Variants in CNTNAP5 observed in about 807,000 individuals in gnomAD.
CNTNAP5 encodes the protein contactin-associated protein-like 5.
A neutral mutation model predicts 150.2 loss-of-function variants in CNTNAP5; 72 were observed. The observed-to-expected ratio is 0.48, with a 90% CI of 0.40 to 0.58. CNTNAP5 has a LOEUF of 0.58. Ranked by LOEUF, CNTNAP5 falls within the 20% of genes least tolerant of loss-of-function variation. The pLI is 0.00. For missense variants in CNTNAP5, 1,636 were observed against 1,626.2 expected, an observed-to-expected ratio of 1.01 and a Z score of -0.10; for synonymous variants, 672 against 619.8, an observed-to-expected ratio of 1.08 and a Z score of -1.25.
At chr2:124,508,301 A>G (rs1694461598) in intron 8 of CNTNAP5, among the ~76,000 whole-genome samples, 1 of 152,232 alleles carries the variant, frequency 6.6e-6, no homozygotes, top group Non-Finnish European at 1.5e-5. Context: ...ATTTCCAGTA[A>G]TGGAGGTGAG....
intron 8 of CNTNAP5, among the ~76,000 whole-genome samples, chr2:124,507,809 A>C (rs1247612447): frequency 6.6e-6 from 1 of 152,162 alleles, no homozygotes; most frequent in Admixed American, 6.5e-5. Flanking sequence ...AAAGAAGTAC[A>C]TTTTGAGGTG....
chr2:124,028,067 T>C (rs71428134), intron 1 of CNTNAP5, among the ~76,000 whole-genome samples: 9,505 of 152,270 alleles, frequency 0.062, 407 homozygotes, highest in South Asian at 0.11. Context: ...TATTTTCAAA[T>C]AGTCACTTTA....
chr2:124,366,628 A>C (rs1037839395), intron 3 of CNTNAP5, among the ~76,000 whole-genome samples: 1 of 152,078 alleles, frequency 6.6e-6, no homozygotes, highest in Non-Finnish European at 1.5e-5. Flanking sequence ...CTTTTGCCCA[A>C]TTCTACCCCT....
At chr2:124,388,769 C>T (rs927809601) in intron 3 of CNTNAP5, among the ~76,000 whole-genome samples, 1 of 152,136 alleles carries the variant, frequency 6.6e-6, no homozygotes, top group Non-Finnish European at 1.5e-5. Flanking sequence ...CAATCTCCGC[C>T]TTCCGGATTC....
intron 1 of CNTNAP5, among the ~76,000 whole-genome samples, chr2:124,147,588 A>G (rs1024413997): frequency 2.6e-5 from 4 of 152,260 alleles, no homozygotes; most frequent in Non-Finnish European, 5.9e-5. Context: ...ATAACATTTC[A>G]TATTTATTGC....
intron 13 of CNTNAP5, among the ~76,000 whole-genome samples, chr2:124,652,613 C>A (rs971379255): frequency 6.6e-6 from 1 of 152,208 alleles, no homozygotes; most frequent in Non-Finnish European, 1.5e-5. Context: ...CCATAACTTT[C>A]CCCTGGAAGG....
intron 11 of CNTNAP5, among the ~76,000 whole-genome samples, chr2:124,599,813 T>G (rs905550055): frequency 6.6e-6 from 1 of 152,126 alleles, no homozygotes; most frequent in African/African-American, 2.4e-5. Flanking sequence ...TGTGGCTTAT[T>G]GCAGCCTCAA....
chr2:124,603,880 A>G (rs952548371), intron 11 of CNTNAP5, among the ~76,000 whole-genome samples: 7 of 152,244 alleles, frequency 4.6e-5, no homozygotes, highest in Non-Finnish European at 1.0e-4. Context: ...GTATATATTT[A>G]ACAATCAAAG....
chr2:124,209,790 G>A (rs528322537), intron 1 of CNTNAP5, among the ~76,000 whole-genome samples: 4 of 152,192 alleles, frequency 2.6e-5, no homozygotes, highest in Non-Finnish European at 5.9e-5. Flanking sequence ...TAGTGGAGGT[G>A]GAGTATTATA....
At chr2:124,660,943 CAA>C (rs34511096) in intron 13 of CNTNAP5, among the ~76,000 whole-genome samples, 7,378 of 104,088 alleles carry the variant, frequency 0.071, 148 homozygotes, top group Middle Eastern at 0.11. Flanking sequence ...GACTGGGTCT[CAA>C]AAAAAAAAAA....
intron 1 of CNTNAP5, among the ~76,000 whole-genome samples, chr2:124,189,697 T>A (rs1408451696): frequency 6.6e-6 from 1 of 152,156 alleles, no homozygotes; most frequent in Non-Finnish European, 1.5e-5. Flanking sequence ...TTTTGTTTAA[T>A]AGACTGGACA....
chr2:124,624,841 T>C (rs979303717), intron 12 of CNTNAP5, among the ~76,000 whole-genome samples: 3 of 152,306 alleles, frequency 2.0e-5, no homozygotes, highest in Admixed American at 6.5e-5. Flanking sequence ...AGCTGAATTT[T>C]GTAGTAGAAG....
intron 5 of CNTNAP5, among the ~76,000 whole-genome samples, chr2:124,439,795 G>A (rs1280257030): frequency 6.6e-6 from 1 of 152,108 alleles, no homozygotes; most frequent in Non-Finnish European, 1.5e-5. Context: ...GCTGGGACAG[G>A]GAGGTAAAAC....
At chr2:124,493,346 T>A (rs1242791884) in intron 7 of CNTNAP5, among the ~76,000 whole-genome samples, 2 of 151,228 alleles carry the variant, frequency 1.3e-5, no homozygotes, top group African/African-American at 4.8e-5. Flanking sequence ...ATTATCATTA[T>A]TATTATTATT....
intron 8 of CNTNAP5, among the ~76,000 whole-genome samples, chr2:124,514,310 A>G (rs901872904): frequency 6.6e-6 from 1 of 152,246 alleles, no homozygotes; most frequent in Non-Finnish European, 1.5e-5. Context: ...GATAATGACA[A>G]TGGAGACATT....
chr2:124,736,089 G>C (rs139656784), intron 13 of CNTNAP5, among the ~76,000 whole-genome samples: 1 of 152,096 alleles, frequency 6.6e-6, no homozygotes, highest in African/African-American at 2.4e-5. Flanking sequence ...AATTAGCTGG[G>C]CATGATGACG....
intron 7 of CNTNAP5, among the ~76,000 whole-genome samples, chr2:124,491,928 T>G (rs1304052): frequency 2.1e-4 from 32 of 152,108 alleles, no homozygotes; most frequent in African/African-American, 7.5e-4. Flanking sequence ...AGGTCTTTGC[T>G]CTTTTTATTA....
chr2:124,764,240 A>G, intron 16 of CNTNAP5, 93 bp downstream of exon 16: 1 of 932,684 alleles, frequency 1.1e-6, no homozygotes, highest in Non-Finnish European at 1.7e-6. Context: ...CATTTGTACC[A>G]GCAAATTAAT....
intron 1 of CNTNAP5, among the ~76,000 whole-genome samples, chr2:124,063,947 G>C (rs1682083142): frequency 6.6e-6 from 1 of 152,152 alleles, no homozygotes; most frequent in Admixed American, 6.6e-5. Flanking sequence ...CTGAGAAAGA[G>C]AAGTCAGGCA....
Sources: allele counts gnomAD v4.1 joint callset (sites outside exome capture counted in the v4.1 genomes callset), GRCh38; gene constraint gnomAD v4.1.1; transcripts MANE v1.5; gene names NCBI Gene and HGNC (gene_info 2026-07-23, HGNC 2026-07-21).